The following SF3A1 variants were observed in gnomAD, a reference collection of about 807,000 sequenced individuals.
SF3A1 encodes the protein splicing factor 3a subunit 1, also known as SAP 114.
Under a neutral mutation model 89.9 loss-of-function variants are expected in SF3A1, and 13 were observed. That is an observed-to-expected ratio of 0.14 (90% CI 0.09 to 0.23). SF3A1 has a LOEUF of 0.23. SF3A1 is among the 10% of genes least tolerant of loss of function. The pLI is 1.00. For synonymous variants in SF3A1, 405 were observed against 374.4 expected (o/e 1.08, Z -0.94); for missense variants, 604 against 1,022.1 (o/e 0.59, Z 5.58).
chr22:30,355,815 T>TCCCCCCCCCCCCCCCCC, intron 1 of SF3A1, among the ~76,000 whole-genome samples: 2 of 92,278 alleles, frequency 2.2e-5, no homozygotes, highest in Admixed American at 1.1e-4. Flanking sequence ...TCAGTCATGT[T>TCCCCCCCCCCCCCCCCC]CCCCCCCCCC....
intron 2 of SF3A1, among the ~76,000 whole-genome samples, chr22:30,348,606 C>G (rs1931491381): frequency 6.6e-6 from 1 of 152,204 alleles, no homozygotes. Context: ...CAGGCTGGCT[C>G]CTCAGCAAGT....
chr22:30,347,478 A>C (rs2145816185), intron 2 of SF3A1, among the ~76,000 whole-genome samples: 1 of 152,286 alleles, frequency 6.6e-6, no homozygotes, highest in South Asian at 2.1e-4. Context: ...ATCAGCAGGG[A>C]GGTCTCCAAC....
intron 7 of SF3A1, 83 bp downstream of exon 7, chr22:30,341,609 C>T: frequency 1.0e-6 from 1 of 1,002,576 alleles, no homozygotes; most frequent in Non-Finnish European, 1.4e-6. Flanking sequence ...CACAGGGGAG[C>T]TGGATCTGAC....
At chr22:30,352,273 G>A (rs759476052) in intron 2 of SF3A1, among the ~76,000 whole-genome samples, 13 of 151,796 alleles carry the variant, frequency 8.6e-5, no homozygotes, top group African/African-American at 1.5e-4. Flanking sequence ...GCACCTGCAT[G>A]GAACTGTGGG....
intron 7 of SF3A1, among the ~76,000 whole-genome samples, chr22:30,341,270 C>T (rs902432916): frequency 1.3e-5 from 2 of 152,168 alleles, no homozygotes; most frequent in Non-Finnish European, 1.5e-5. Context: ...GTTCTGGAGA[C>T]TCCATGCCTG....
chr22:30,344,832 G>A lies in SF3A1; in HGVS notation c.651+101C>T, dbSNP rs566606833. 6 of 1,353,076 alleles carry A rather than the reference G, an allele frequency of 4.4e-6. No homozygotes were observed. The South Asian group carries it at 8.3e-5, about 19-fold the overall frequency. 83.8% of individuals were successfully genotyped at this position (1,353,076 alleles called of 1,614,324 possible). Reference sequence around the variant, plus strand: ...AACATTTGCTCAGAGGCCCCATGGAGAAGCGATGTCCTTGTAGACAGTGAG... The same window carrying A: ...AACATTTGCTCAGAGGCCCCATGGAAAAGCGATGTCCTTGTAGACAGTGAG... On this transcript the variant is annotated intron_variant, in intron 4 of 15. Coordinates refer to ENST00000215793, the MANE Select transcript of SF3A1 (RefSeq NM_005877.6).
Position 30,342,818 on chromosome 22 carries a change from T to A in SF3A1, c.713A>T (p.Glu238Val). Residue 238 changes from glutamate to valine, a missense_variant, in exon 5 of 16, where the codon GAA becomes GTA. Around this residue, in one of 9 missense-constraint regions of SF3A1, gnomAD observed 162 missense variants for 229.2 expected, o/e 0.71. Coordinates refer to ENST00000215793, the MANE Select transcript of SF3A1 (RefSeq NM_005877.6). ...KLKKEAENPR[E>V]VLDQVCYRVE... ...TATTCAGTTTACCTGATCCAAAACT[T>A]CTCGGGGGTTTTCAGCCTCTTTCTT... 2 of 1,610,868 alleles carry A rather than the reference T, an allele frequency of 1.2e-6. No homozygotes were observed. The highest frequency in any genetic ancestry group is 1.7e-6 in the Non-Finnish European group (2 of 1,177,730).
intron 2 of SF3A1, among the ~76,000 whole-genome samples, chr22:30,350,488 A>C (rs956615089): frequency 2.0e-4 from 31 of 152,212 alleles, no homozygotes; most frequent in Non-Finnish European, 1.3e-4. Context: ...TCTCTAAAAA[A>C]GAAATGTTGG....
intron 4 of SF3A1, among the ~76,000 whole-genome samples, chr22:30,343,233 G>A (rs1485731074): frequency 1.3e-5 from 2 of 152,062 alleles, no homozygotes; most frequent in Non-Finnish European, 2.9e-5. Context: ...AAAACACTAC[G>A]CAGGTCCCCC....
In SF3A1 at chr22:30,344,958, G is replaced by A. The variant is rs1345379757; in HGVS notation, c.626C>T (p.Thr209Met). Reference sequence around the variant, plus strand: ...CTTGGTGTACTGTTCCACTAGCTTCGTGAAGTAGTTGAAGAGGCTGTGCTG... The same window carrying A: ...CTTGGTGTACTGTTCCACTAGCTTCATGAAGTAGTTGAAGAGGCTGTGCTG... ...RPQHSLFNYF[T>M]KLVEQYTKIL... Residue 209 changes from threonine (T) to methionine (M), a missense_variant, in exon 4 of 16, where the codon ACG becomes ATG. Coordinates refer to ENST00000215793, the MANE Select transcript of SF3A1 (RefSeq NM_005877.6). 4 of 1,614,066 alleles carry A rather than the reference G, an allele frequency of 2.5e-6. No homozygotes were observed. Among genetic ancestry groups the A allele is most frequent in the Non-Finnish European group, 3.4e-6 (4 of 1,180,052 alleles).
Position 30,356,820 on chromosome 22 carries a change from G to A in SF3A1, c.-28C>T, listed in dbSNP as rs1192519332. The A allele has an allele frequency of 6.3e-5, 83 of 1,326,928 alleles. No individual in the cohort carries two copies. Among genetic ancestry groups the A allele is most frequent in the Middle Eastern group, 2.3e-4 (1 of 4,392 alleles). The allele number at this position is 1,326,928 out of a possible 1,614,324, so 82.2% of individuals were successfully genotyped here. A position where few individuals can be genotyped will look rare whatever the true frequency, so the allele number is the denominator to read the frequency against. On this transcript the variant is annotated 5_prime_UTR_variant, in exon 1 of 16. Transcript: ENST00000215793. ...CTGCGACGCTCAGGGCTGCCAGTCC[G>A]CCTCGGTGTCGGTGAGCGGTGCCGC...
At chr22:30,334,987 A>G (rs1278388410) in intron 15 of SF3A1, among the ~76,000 whole-genome samples, 1 of 152,194 alleles carries the variant, frequency 6.6e-6, no homozygotes, top group Non-Finnish European at 1.5e-5. Context: ...CAAGACCTTT[A>G]GGGATCACTT....
In SF3A1 at chr22:30,338,966, G is replaced by T; in HGVS notation, c.1566C>A (p.Leu522=). The change falls in exon 11 of 16, where the codon CTC becomes CTA. Residue 522 remains leucine (L), a synonymous_variant. Coordinates refer to ENST00000215793, the MANE Select transcript of SF3A1 (RefSeq NM_005877.6). ...TQQAAQANIT[L]QEQIEAIHKA... Reference sequence around the variant, plus strand: ...TGTGAATGGCCTCAATCTGCTCCTGGAGGGTGATGTTGGCCTGGGCAGCCT... The same window carrying T: ...TGTGAATGGCCTCAATCTGCTCCTGTAGGGTGATGTTGGCCTGGGCAGCCT... 1.2e-6 allele frequency: 2 copies of T among 1,614,252 alleles called. No individual in the cohort carries two copies. Among genetic ancestry groups the T allele is most frequent in the Non-Finnish European group, 1.7e-6 (2 of 1,180,048 alleles).
At chr22:30,349,272 AC>A (rs1344303026) in intron 2 of SF3A1, among the ~76,000 whole-genome samples, 2 of 152,210 alleles carry the variant, frequency 1.3e-5, no homozygotes, top group Non-Finnish European at 2.9e-5. Context: ...CGATAAGTTC[AC>A]AGATTTTATT....
intron 7 of SF3A1, 35 bp downstream of exon 7, chr22:30,341,656 GA>G: frequency 2.5e-6 from 4 of 1,587,624 alleles, no homozygotes; most frequent in South Asian, 1.1e-5. Flanking sequence ...GGCTTCAGGG[GA>G]AAAGGTCATC....
intron 7 of SF3A1, among the ~76,000 whole-genome samples, chr22:30,341,441 G>A (rs1415224211): frequency 2.0e-5 from 3 of 152,250 alleles, no homozygotes; most frequent in African/African-American, 7.2e-5. Flanking sequence ...AGAGCAGGCT[G>A]TCCGGGCCAG....
chr22:30,341,625 G>T, intron 7 of SF3A1, 67 bp downstream of exon 7: 1 of 1,373,368 alleles, frequency 7.3e-7, no homozygotes, highest in African/African-American at 1.4e-5. Flanking sequence ...CTGACTGGTG[G>T]AGAGCACTTC....
At position 30,334,749 on chromosome 22, in the gene SF3A1, G is replaced by A. The variant is rs547818537; in HGVS notation, c.2281-54C>T. On this transcript the variant is annotated intron_variant, in intron 15 of 15. Coordinates refer to ENST00000215793, the MANE Select transcript of SF3A1 (RefSeq NM_005877.6). The stretch of plus-strand genomic sequence containing the variant: ...GGGGCAACCCAGCCTTGGGGATACC[G>A]CTGCAACCTTACAACTGTGCACTTG... The A allele has an allele frequency of 1.2e-3, 1,484 of 1,251,638 alleles. 26 individuals are homozygous for A. The South Asian group carries it at 0.018, about 15-fold the overall frequency. The allele number at this position is 1,251,638 out of a possible 1,614,324, so 77.5% of individuals were successfully genotyped here.
intron 5 of SF3A1, chr22:30,342,562 TTC>T: frequency 1.6e-6 from 1 of 637,192 alleles, no homozygotes; most frequent in Non-Finnish European, 2.7e-6. Context: ...GGAGCTGGCC[TTC>T]TGTCTTCTAG....
Sources: allele counts gnomAD v4.1 joint callset (sites outside exome capture counted in the v4.1 genomes callset), GRCh38; gene constraint gnomAD v4.1.1; regional missense constraint gnomAD v4.1.1; transcripts MANE v1.5; gene names NCBI Gene and HGNC (gene_info 2026-07-23, HGNC 2026-07-21).